The following ATP7A variants were observed in gnomAD, a reference collection of about 807,000 sequenced individuals.
ATP7A encodes the protein copper-transporting ATPase 1.
ATP7A carries 7 observed loss-of-function variants against 83.5 expected under a neutral mutation model. That is an observed-to-expected ratio of 0.08 (90% CI 0.05 to 0.16). ATP7A has a LOEUF of 0.16. Among genes scored for constraint, ATP7A ranks in the 10% least tolerant of loss-of-function variants. The pLI, the probability that ATP7A is intolerant of heterozygous loss-of-function variation, is 1.00. For missense variants in ATP7A, 940 were observed against 1,120.8 expected, an observed-to-expected ratio of 0.84 and a Z score of 2.30; for synonymous variants, 354 against 395.2, an observed-to-expected ratio of 0.90 and a Z score of 1.24.
Position 78,020,685 on chromosome X carries a change from TA to T in ATP7A, c.2782-253del, listed in dbSNP as rs200190598. ...GCACATGCCACCACACCCAGCTAAT[TA>T]AAAAAATTTTTTTTTATAGAAACAG... On this transcript the variant is annotated intron_variant, in intron 13 of 22. Coordinates refer to ENST00000341514, the MANE Select transcript of ATP7A (RefSeq NM_000052.7). Among the ~76,000 whole-genome samples the T allele has an allele frequency of 0.017, 1,904 of 110,178 alleles. 49 individuals are homozygous for T. Among genetic ancestry groups the T allele is most frequent in the African/African-American group, 0.059 (1,782 of 30,197 alleles).
intron 2 of ATP7A, among the ~76,000 whole-genome samples, chrX:77,979,578 A>C (rs2077594021): frequency 1.8e-5 from 2 of 112,470 alleles, no homozygotes; most frequent in African/African-American, 6.5e-5. Context: ...TAGGATTATA[A>C]TTAAGCCTCA....
intron 17 of ATP7A, among the ~76,000 whole-genome samples, chrX:78,036,741 C>T (rs1371789885): frequency 9.0e-6 from 1 of 110,748 alleles, no homozygotes; most frequent in African/African-American, 3.3e-5. Context: ...ATTAGTCGGG[C>T]GTGGTAGCAG....
intron 1 of ATP7A, chrX:77,924,261 T>A (rs2077230581): frequency 8.9e-6 from 1 of 112,411 alleles, no homozygotes; most frequent in Non-Finnish European, 1.9e-5. Context: ...AGTAAATATT[T>A]AAATTCCATA....
intron 1 of ATP7A, among the ~76,000 whole-genome samples, chrX:77,947,219 A>G (rs782397457): frequency 9.0e-6 from 1 of 111,423 alleles, no homozygotes; most frequent in South Asian, 3.7e-4. Flanking sequence ...AGTTAAAATC[A>G]TAGAGATATA....
chrX:77,998,326 G>T (rs1270775731), intron 4 of ATP7A, 152 bp from the exon 5 acceptor site: 4 of 542,207 alleles, frequency 7.4e-6, no homozygotes, highest in African/African-American at 2.3e-5. Context: ...GGAGGAAAGT[G>T]TAGAGATAAC....
chrX:77,920,512 C>G (rs191562778), intron 1 of ATP7A, among the ~76,000 whole-genome samples: 10 of 111,105 alleles, frequency 9.0e-5, no homozygotes, highest in Non-Finnish European at 1.9e-5. Flanking sequence ...CCACCGCGCC[C>G]GGCTGAGTAC....
At chrX:77,951,130 T>C (rs2077411677) in intron 1 of ATP7A, among the ~76,000 whole-genome samples, 1 of 112,435 alleles carries the variant, frequency 8.9e-6, no homozygotes. Flanking sequence ...ATATTTTTAT[T>C]AATACAAAAA....
chrX:77,944,806 G>T lies in ATP7A; in HGVS notation c.-21-26815G>T, dbSNP rs190538510. Among the ~76,000 whole-genome samples the T allele has an allele frequency of 2.9e-4, 31 of 106,526 alleles. No homozygotes were observed. In the South Asian group the frequency reaches 0.013, roughly 44 times the overall value. The allele number at this position is 106,526 out of a possible 115,157, so 92.5% of individuals were successfully genotyped here. ...GACAGTTGTGTCATTCCTCAGTATG[G>T]TATGTATGTATGTATGTATGTATGT... On this transcript the variant is annotated intron_variant, in intron 1 of 22. Transcript: ENST00000341514.
At chrX:78,031,320 T>C (rs2077982450) in intron 15 of ATP7A, 80 bp from the exon 16 acceptor site, 18 of 991,402 alleles carry the variant, frequency 1.8e-5, no homozygotes, top group Admixed American at 6.8e-5. Context: ...GTCATCTCTT[T>C]GTCAAAACAG....
At chrX:77,939,638 T>C (rs1190541751) in intron 1 of ATP7A, among the ~76,000 whole-genome samples, 1 of 110,824 alleles carries the variant, frequency 9.0e-6, no homozygotes, top group Non-Finnish European at 1.9e-5. Flanking sequence ...GTGTGTTAGA[T>C]GATATATTTG....
intron 1 of ATP7A, among the ~76,000 whole-genome samples, chrX:77,938,865 C>T (rs1335804731): frequency 8.9e-6 from 1 of 111,896 alleles, no homozygotes; most frequent in Admixed American, 9.5e-5. Flanking sequence ...AACAAAAAAA[C>T]CTCATTTTAA....
chrX:77,992,739 G>A (rs1334798762), intron 4 of ATP7A, among the ~76,000 whole-genome samples: 2 of 110,725 alleles, frequency 1.8e-5, no homozygotes, highest in Non-Finnish European at 1.9e-5. Context: ...AGCCTCCTGA[G>A]TAGCTGGGAT....
Position 77,962,858 on chromosome X carries a change from G to T in ATP7A, c.-21-8763G>T, listed in dbSNP as rs1195902335. 5 of 374,396 alleles carry T rather than the reference G, an allele frequency of 1.3e-5. No individual in the cohort carries two copies. In the Middle Eastern group the frequency reaches 1.8e-3, roughly 133 times the overall value. The allele number at this position is 374,396 out of a possible 1,213,427, so 30.9% of individuals were successfully genotyped here. On this transcript the variant is annotated intron_variant, in intron 1 of 22. Coordinates refer to ENST00000341514, the MANE Select transcript of ATP7A (RefSeq NM_000052.7). ...TCCTTAAAACATGACGGGACCTCTT[G>T]AAAGAATGCTGTGATTCTTGGAAAC...
At chrX:78,020,513 T>A in intron 13 of ATP7A, 115 bp downstream of exon 13, 1 of 924,595 alleles carries the variant, frequency 1.1e-6, no homozygotes, top group Admixed American at 2.5e-5. Context: ...TAATATGGAG[T>A]TCGTTTGTTT....
At chrX:78,040,011 G>C (rs2078037228) in intron 18 of ATP7A, among the ~76,000 whole-genome samples, 1 of 111,329 alleles carries the variant, frequency 9.0e-6, no homozygotes. Flanking sequence ...TAAATTTCTA[G>C]TTGTGAGATT....
intron 7 of ATP7A, 114 bp from the exon 8 acceptor site, chrX:78,011,062 G>A (rs2077820044): frequency 5.0e-6 from 3 of 600,141 alleles, no homozygotes; most frequent in South Asian, 5.1e-5. Context: ...ATTCCCCAGA[G>A]TGACTTGCCC....
intron 19 of ATP7A, among the ~76,000 whole-genome samples, chrX:78,040,977 G>A (rs935467642): frequency 9.0e-6 from 1 of 111,317 alleles, no homozygotes; most frequent in Non-Finnish European, 1.9e-5. Context: ...ACCAATTTCT[G>A]TTGATGTGCC....
At position 77,998,775 on chromosome X, in the gene ATP7A, T is replaced by C. The variant is rs782606568; in HGVS notation, c.1543+91T>C. The C allele has an allele frequency of 6.2e-4, 611 of 987,829 alleles. 1 individual carries two copies. Among genetic ancestry groups the C allele is most frequent in the Non-Finnish European group, 8.3e-4 (577 of 696,638 alleles). 81.4% of individuals were successfully genotyped at this position (987,829 alleles called of 1,213,427 possible). A position where few individuals can be genotyped will look rare whatever the true frequency, so the allele number is the denominator to read the frequency against. On this transcript the variant is annotated intron_variant, in intron 5 of 22. Coordinates refer to ENST00000341514, the MANE Select transcript of ATP7A (RefSeq NM_000052.7). ...TACATGTTTTGTAACTATGTTATGATTCTTGGTAAGGCCTCATAAAGATTT... is the reference window on the plus strand; with the variant it reads ...TACATGTTTTGTAACTATGTTATGACTCTTGGTAAGGCCTCATAAAGATTT...
In ATP7A at chrX:77,984,908, G is replaced by A. The variant is rs141477526; in HGVS notation, c.121-3334G>A. 9.1e-3 allele frequency among the ~76,000 whole-genome samples: 1,025 copies of A among 112,370 alleles called. 10 individuals are homozygous for A. The highest frequency in any genetic ancestry group is 0.018 in the Middle Eastern group (4 of 218). On this transcript the variant is annotated intron_variant, in intron 2 of 22. Coordinates refer to ENST00000341514, the MANE Select transcript of ATP7A (RefSeq NM_000052.7). ...TTCTCATCTGCAGCATGCAAATAGC[G>A]TAGGGTACTTTGACTTCTCTTTTGT... is the stretch of plus-strand genomic sequence containing the variant.
Sources: allele counts gnomAD v4.1 joint callset (sites outside exome capture counted in the v4.1 genomes callset), GRCh38; gene constraint gnomAD v4.1.1; transcripts MANE v1.5; gene names NCBI Gene and HGNC (gene_info 2026-07-23, HGNC 2026-07-21).